MYO18A: variants seen among roughly 807,000 people sequenced by gnomAD.
MYO18A encodes the protein unconventional myosin-XVIIIa.
Under a neutral mutation model 235.8 loss-of-function variants are expected in MYO18A, and 78 were observed. The ratio of observed to expected loss-of-function variants is 0.33; its 90% CI spans 0.28 to 0.40. The LOEUF (loss-of-function observed/expected upper bound fraction) is 0.40, where lower values mean the gene tolerates loss of function less well. Among genes scored for constraint, MYO18A ranks in the 10% least tolerant of loss-of-function variants. The pLI is 1.00. For synonymous variants in MYO18A, 977 were observed against 1,077.8 expected, an observed-to-expected ratio of 0.91 and a Z score of 1.83; for missense variants, 2,215 against 2,699.3, an observed-to-expected ratio of 0.82 and a Z score of 3.98.
intron 2 of MYO18A, among the ~76,000 whole-genome samples, chr17:29,150,921 T>G (rs1266637729): frequency 6.6e-6 from 1 of 152,190 alleles, no homozygotes; most frequent in Non-Finnish European, 1.5e-5. Context: ...GGGCTAGTTT[T>G]GGCTGCAGGA....
chr17:29,093,081 G>C, intron 32 of MYO18A, 80 bp from the exon 33 acceptor site: 1 of 1,508,116 alleles, frequency 6.6e-7, no homozygotes, highest in Non-Finnish European at 8.9e-7. Context: ...TCCTCACCAC[G>C]TCCTCATTAT....
At chr17:29,171,117 G>A (rs2068393088) in intron 1 of MYO18A, among the ~76,000 whole-genome samples, 1 of 152,178 alleles carries the variant, frequency 6.6e-6, no homozygotes, top group Non-Finnish European at 1.5e-5. Flanking sequence ...GGGTTGATAA[G>A]TATATGCACT....
chr17:29,079,694 C>T, intron 41 of MYO18A: 11 of 985,160 alleles, frequency 1.1e-5, no homozygotes, highest in Non-Finnish European at 1.3e-5. Context: ...GGGTGGGACA[C>T]ACCATGCTGA....
At chr17:29,134,303 G>A (rs1429441995) in intron 2 of MYO18A, among the ~76,000 whole-genome samples, 1 of 152,000 alleles carries the variant, frequency 6.6e-6, no homozygotes, top group African/African-American at 2.4e-5. Context: ...GACTAGTCTC[G>A]AACTCTTGAC....
intron 21 of MYO18A, among the ~76,000 whole-genome samples, chr17:29,101,100 C>T (rs541562306): frequency 6.6e-6 from 1 of 152,122 alleles, no homozygotes; most frequent in African/African-American, 2.4e-5. Context: ...CAGGCTTAAG[C>T]TATCGTCCCA....
At chr17:29,101,430 C>T (rs1598302515) in intron 21 of MYO18A, among the ~76,000 whole-genome samples, 1 of 152,142 alleles carries the variant, frequency 6.6e-6, no homozygotes, top group African/African-American at 2.4e-5. Context: ...CTCAGCCTCC[C>T]GAGTAGCTGG....
At chr17:29,150,904 G>A (rs1598381413) in intron 2 of MYO18A, among the ~76,000 whole-genome samples, 1 of 152,198 alleles carries the variant, frequency 6.6e-6, no homozygotes, top group South Asian at 2.1e-4. Context: ...CATGAAGTTG[G>A]TTGGAAGGGC....
chr17:29,163,786 A>C (rs1009653349), intron 2 of MYO18A, among the ~76,000 whole-genome samples: 9 of 152,264 alleles, frequency 5.9e-5, no homozygotes, highest in Non-Finnish European at 1.2e-4. Context: ...GGGAGCTGGC[A>C]ACAATCCCCT....
chr17:29,096,236 T>A (rs1409078681), intron 28 of MYO18A, among the ~76,000 whole-genome samples: 2 of 152,178 alleles, frequency 1.3e-5, no homozygotes, highest in Non-Finnish European at 2.9e-5. Flanking sequence ...GTGTGTGGGT[T>A]CCTCAGTACT....
At chr17:29,127,826 G>C (rs979551371) in intron 2 of MYO18A, 1 of 983,748 alleles carries the variant, frequency 1.0e-6, no homozygotes, top group African/African-American at 1.7e-5. Flanking sequence ...TGAGGGGCAG[G>C]AGCGGTTAGT....
In MYO18A at chr17:29,180,095, G is replaced by A; in HGVS notation, c.-82+218C>T. ...GGCCGGTGGTTCCCCCTTCCCCGCC[G>A]CTCCCGATCGGCCCCCACCCCCGGG... On this transcript the variant is annotated intron_variant, in intron 1 of 41. Transcript: ENST00000527372. This position sits in a 1 kb window ranked among gnomAD's most constrained non-coding sequence, Gnocchi z 6.1. Among the ~76,000 whole-genome samples the A allele has an allele frequency of 6.6e-6, 1 of 151,812 alleles. No homozygotes were observed. Among genetic ancestry groups the A allele is most frequent in the South Asian group, 2.1e-4 (1 of 4,816 alleles).
At chr17:29,082,488 C>T (rs1330366470) in intron 40 of MYO18A, 50 bp from the exon 41 acceptor site, 1 of 1,584,400 alleles carries the variant, frequency 6.3e-7, no homozygotes, top group Admixed American at 1.8e-5. Flanking sequence ...CACCTGCTGC[C>T]CACGAGGGGA....
chr17:29,170,860 C>T (rs2068387035), intron 1 of MYO18A, among the ~76,000 whole-genome samples: 1 of 152,152 alleles, frequency 6.6e-6, no homozygotes, highest in East Asian at 1.9e-4. Flanking sequence ...TGCTCATATT[C>T]ATGCAATGGA....
rs1349215128 is a variant in MYO18A, at chr17:29,125,220, T to A, written c.1000-2967A>T. ...GGGTGCCACTCCCTAGGCCAAGGGC[T>A]GTGTTCAGAGCTGTCGCCCTGCACC... On this transcript the variant is annotated intron_variant, in intron 2 of 41. Transcript: ENST00000527372. The surrounding 1 kb of genome is among the most constrained non-coding windows in gnomAD (Gnocchi z 5.1). Among the ~76,000 whole-genome samples the A allele has an allele frequency of 6.6e-6, 1 of 152,212 alleles. No homozygotes were observed. Among genetic ancestry groups the A allele is most frequent in the Non-Finnish European group, 1.5e-5 (1 of 68,030 alleles).
intron 2 of MYO18A, chr17:29,165,649 C>A: frequency 2.6e-6 from 1 of 380,526 alleles, no homozygotes; most frequent in Non-Finnish European, 4.8e-6. Flanking sequence ...CCTCAGCTCC[C>A]AGACAAGGTT....
chr17:29,107,074 A>G lies in MYO18A; in HGVS notation c.3441+6T>C, dbSNP rs1312921083. 2.5e-6 allele frequency: 4 copies of G among 1,613,564 alleles called. No homozygotes were observed. The highest frequency in any genetic ancestry group is 3.4e-6 in the Non-Finnish European group (4 of 1,179,624). On this transcript the variant is annotated splice_donor_region_variant and intron_variant, in intron 20 of 41. Transcript: ENST00000527372. ...GAGGGAGAGCGGTCTGGGGACCTGG[A>G]CCTACCCGCCTTTCATCCACCACGA...
chr17:29,167,543 C>A (rs2068309923), intron 1 of MYO18A, among the ~76,000 whole-genome samples: 1 of 151,982 alleles, frequency 6.6e-6, no homozygotes, highest in Admixed American at 6.6e-5. Context: ...GAGACCCTAT[C>A]TCTAAAAAAA....
chr17:29,075,228 A>G (rs2065946049), intron 41 of MYO18A: 1 of 283,352 alleles, frequency 3.5e-6, no homozygotes, highest in African/African-American at 2.1e-5. Context: ...TTTTGGGTAC[A>G]ACCCAGTAAT....
At chr17:29,102,294 G>A (rs8075554) in intron 21 of MYO18A, among the ~76,000 whole-genome samples, 3,746 of 152,314 alleles carry the variant, frequency 0.025, 126 homozygotes, top group African/African-American at 0.084. Flanking sequence ...TGGAGGAGGT[G>A]CCATCCCCAG....
Sources: allele counts gnomAD v4.1 joint callset (sites outside exome capture counted in the v4.1 genomes callset), GRCh38; gene constraint gnomAD v4.1.1; non-coding constraint Gnocchi (gnomAD v3.1); transcripts MANE v1.5; gene names NCBI Gene and HGNC (gene_info 2026-07-23, HGNC 2026-07-21).